Variants in SHOC2 observed in about 807,000 individuals in gnomAD.
SHOC2 encodes the protein leucine-rich repeat protein SHOC-2.
Under a neutral mutation model 50.2 loss-of-function variants are expected in SHOC2, and 4 were observed. The observed-to-expected ratio is 0.08, with a 90% CI of 0.04 to 0.18. The LOEUF (loss-of-function observed/expected upper bound fraction) is 0.18, where lower values mean the gene tolerates loss of function less well. Among genes scored for constraint, SHOC2 ranks in the 10% least tolerant of loss-of-function variants. The pLI, the probability that SHOC2 is intolerant of heterozygous loss-of-function variation, is 1.00. For synonymous variants in SHOC2, 218 were observed against 244.5 expected (o/e 0.89, Z 1.01); for missense variants, 388 against 669.6 (o/e 0.58, Z 4.64).
At chr10:110,994,167 A>T (rs1227440487) in intron 3 of SHOC2, among the ~76,000 whole-genome samples, 1 of 152,182 alleles carries the variant, frequency 6.6e-6, no homozygotes, top group Admixed American at 6.5e-5. Flanking sequence ...ACAGGAAATT[A>T]AAATTTTATC....
chr10:110,956,361 C>T (rs909299229), intron 1 of SHOC2, among the ~76,000 whole-genome samples: 3 of 152,050 alleles, frequency 2.0e-5, no homozygotes, highest in East Asian at 1.9e-4. Flanking sequence ...TACAGGTGCG[C>T]GCCAGCACAC....
At chr10:110,980,399 G>C (rs2134141500) in intron 2 of SHOC2, among the ~76,000 whole-genome samples, 1 of 152,054 alleles carries the variant, frequency 6.6e-6, no homozygotes, top group East Asian at 1.9e-4. Flanking sequence ...CTCGTGATCT[G>C]CCCACCTCGG....
intron 1 of SHOC2, among the ~76,000 whole-genome samples, chr10:110,940,371 A>G (rs962380476): frequency 6.6e-6 from 1 of 152,128 alleles, no homozygotes; most frequent in Non-Finnish European, 1.5e-5. Flanking sequence ...ATACCTTTAT[A>G]TTTCTCTTAG....
At chr10:110,997,636 A>G (rs1038739188) in intron 3 of SHOC2, among the ~76,000 whole-genome samples, 1 of 152,234 alleles carries the variant, frequency 6.6e-6, no homozygotes, top group African/African-American at 2.4e-5. Context: ...GACATACTAC[A>G]GAATGAAAAT....
intron 4 of SHOC2, among the ~76,000 whole-genome samples, chr10:111,003,552 T>C (rs7070382): frequency 1 from 151,841 of 152,310 alleles, 75,686 homozygotes; most frequent in East Asian, 1. Flanking sequence ...CATAAAATAT[T>C]ATTATTTAAA....
chr10:110,980,260 C>T (rs931593610), intron 2 of SHOC2, among the ~76,000 whole-genome samples: 14 of 151,650 alleles, frequency 9.2e-5, no homozygotes, highest in Admixed American at 3.9e-4. Context: ...GGGTTCATGC[C>T]ATTCTCCTGC....
intron 1 of SHOC2, among the ~76,000 whole-genome samples, chr10:110,928,083 G>C (rs936693191): frequency 2.0e-5 from 3 of 152,176 alleles, no homozygotes; most frequent in Non-Finnish European, 2.9e-5. Flanking sequence ...TTGGGAGGCC[G>C]AGGCGGGTGG....
intron 3 of SHOC2, among the ~76,000 whole-genome samples, chr10:110,993,400 C>CT (rs1180450131): frequency 2.0e-5 from 3 of 151,994 alleles, no homozygotes; most frequent in Non-Finnish European, 4.4e-5. Flanking sequence ...TTTTTTTAAC[C>CT]TTTTTTATTT....
Position 110,964,268 on chromosome 10 carries a change from G to C in SHOC2, c.-91G>C. On this transcript the variant is annotated 5_prime_UTR_variant, in exon 2 of 9. It removes the in-frame stop codon of an upstream open reading frame in the 5' UTR. Transcript: ENST00000369452. The surrounding 1 kb of genome is among the most constrained non-coding windows in gnomAD (Gnocchi z 4.9). ...TACTTCTTCAAGCCAGTACTTTTTT[G>C]ATTGTGTAGGATCTTTGTCTCTTCA... 1.3e-6 allele frequency: 2 copies of C among 1,530,768 alleles called. No homozygotes were observed. The highest frequency in any genetic ancestry group is 1.7e-6 in the Non-Finnish European group (2 of 1,143,414). 94.8% of individuals were successfully genotyped at this position (1,530,768 alleles called of 1,614,324 possible).
intron 1 of SHOC2, among the ~76,000 whole-genome samples, chr10:110,955,137 G>C (rs1847434870): frequency 6.6e-6 from 1 of 152,136 alleles, no homozygotes; most frequent in Non-Finnish European, 1.5e-5. Flanking sequence ...TGGATAAAAA[G>C]TGCTTTGTTC....
At chr10:110,968,558 A>G (rs1253642175) in intron 2 of SHOC2, among the ~76,000 whole-genome samples, 3 of 151,370 alleles carry the variant, frequency 2.0e-5, no homozygotes, top group Non-Finnish European at 4.4e-5. Flanking sequence ...AATTTATATT[A>G]TATTAGATGC....
intron 2 of SHOC2, among the ~76,000 whole-genome samples, chr10:110,984,945 C>T (rs1252933655): frequency 6.6e-6 from 1 of 152,046 alleles, no homozygotes; most frequent in Admixed American, 6.6e-5. Flanking sequence ...AAACAGTACA[C>T]AGATAACCAA....
intron 8 of SHOC2, among the ~76,000 whole-genome samples, chr10:111,010,898 T>A (rs920570407): frequency 6.6e-6 from 1 of 152,206 alleles, no homozygotes; most frequent in African/African-American, 2.4e-5. Flanking sequence ...TTATTTCTGT[T>A]ATTTTCTAAT....
intron 1 of SHOC2, among the ~76,000 whole-genome samples, chr10:110,924,910 A>G (rs1382000127): frequency 6.6e-6 from 1 of 151,886 alleles, no homozygotes; most frequent in African/African-American, 2.4e-5. Context: ...TCTCTACTAA[A>G]AATACAAAAA....
chr10:110,935,283 A>G (rs774848172), intron 1 of SHOC2, among the ~76,000 whole-genome samples: 1 of 152,222 alleles, frequency 6.6e-6, no homozygotes, highest in Non-Finnish European at 1.5e-5. Context: ...TTTAAATGAC[A>G]TGCTAGTAGG....
intron 1 of SHOC2, among the ~76,000 whole-genome samples, chr10:110,921,208 T>C (rs1846640357): frequency 6.6e-6 from 1 of 152,222 alleles, no homozygotes. Flanking sequence ...TGTTGATGTT[T>C]TGCTGTGTGA....
intron 2 of SHOC2, among the ~76,000 whole-genome samples, chr10:110,981,844 T>TTATC: frequency 9.5e-4 from 1 of 1,048 alleles, no homozygotes; most frequent in South Asian, 0.1. Context: ...TTCAGTTTTC[T>TTATC]TATTTATTTA....
At chr10:110,942,616 T>G (rs1429509681) in intron 1 of SHOC2, among the ~76,000 whole-genome samples, 1 of 152,224 alleles carries the variant, frequency 6.6e-6, no homozygotes, top group Non-Finnish European at 1.5e-5. Flanking sequence ...TGGCTCAGGT[T>G]TTGATAATCC....
chr10:110,972,072 G>A (rs1847792777), intron 2 of SHOC2, among the ~76,000 whole-genome samples: 1 of 151,164 alleles, frequency 6.6e-6, no homozygotes, highest in South Asian at 2.1e-4. Context: ...GTGGCTTGAA[G>A]GAAATTTAAT....
Sources: gnomAD v4.1 joint callset for allele counts (sites outside exome capture counted in the v4.1 genomes callset) on GRCh38, gnomAD v4.1.1 for gene constraint, Gnocchi (gnomAD v3.1) non-coding constraint, MANE v1.5 for transcripts, NCBI Gene and HGNC (gene_info 2026-07-23, HGNC 2026-07-21) for gene names.